Variants in ARFGEF3 observed in about 807,000 individuals in gnomAD.
ARFGEF3 encodes brefeldin A-inhibited guanine nucleotide-exchange protein 3.
ARFGEF3 carries 96 observed loss-of-function variants against 221.7 expected under a neutral mutation model. That is an observed-to-expected ratio of 0.43 (90% CI 0.37 to 0.51). ARFGEF3 has a LOEUF of 0.51. ARFGEF3 is among the 20% of genes least tolerant of loss of function. The pLI is 0.00. For synonymous variants in ARFGEF3, 1,145 were observed against 1,126.8 expected (o/e 1.02, Z -0.32); for missense variants, 2,410 against 2,789.9 (o/e 0.86, Z 3.07).
intron 11 of ARFGEF3, among the ~76,000 whole-genome samples, chr6:138,262,233 A>G (rs898327511): frequency 1.5e-5 from 2 of 134,860 alleles, no homozygotes; most frequent in South Asian, 2.3e-4. Flanking sequence ...TCTGTCACCC[A>G]GGCTGGAGTG....
Position 138,255,547 on chromosome 6 carries a change from G to C in ARFGEF3, c.882G>C (p.Ala294=), listed in dbSNP as rs749507132. 1.9e-6 allele frequency: 3 copies of C among 1,613,906 alleles called. No homozygotes were observed. In the African/African-American group the frequency reaches 4.0e-5, roughly 22 times the overall value. The change falls in exon 10 of 34, where the codon GCG becomes GCC. Residue 294 remains alanine, a synonymous_variant. Coordinates refer to ENST00000251691, the MANE Select transcript of ARFGEF3 (RefSeq NM_020340.5). ...STSTSLESDS[A]SPGVSDHGRG... The stretch of plus-strand genomic sequence containing the variant: ...GTACCAGCCTGGAGTCGGACTCTGC[G>C]TCTCCGGGAGTGTCTGACCACGGCC...
At chr6:138,229,956 T>G in intron 5 of ARFGEF3, 104 bp downstream of exon 5, 1 of 920,112 alleles carries the variant, frequency 1.1e-6, no homozygotes, top group Non-Finnish European at 1.7e-6. Flanking sequence ...TGAATCCTTC[T>G]CTGATTACTA....
At chr6:138,326,601 C>CA (rs1780130497) in intron 31 of ARFGEF3, among the ~76,000 whole-genome samples, 1 of 152,022 alleles carries the variant, frequency 6.6e-6, no homozygotes, top group Non-Finnish European at 1.5e-5. Context: ...AGTAAAAAGT[C>CA]AAAAAACAAT....
Position 138,291,974 on chromosome 6 carries a change from T to C in ARFGEF3, c.3289T>C (p.Ser1097Pro). 6.5e-7 allele frequency: 1 copy of C among 1,535,484 alleles called. No homozygotes were observed. Residue 1097 changes from serine (S) to proline (P), a missense_variant, in exon 19 of 34, where the codon TCC (serine) becomes CCC (proline). Physicochemically the swap from Ser to Pro is moderately conservative, Grantham distance 74. Around this residue, in one of 5 missense-constraint regions of ARFGEF3, gnomAD observed 184 missense variants for 141.8 expected, o/e 1.30. Transcript: ENST00000251691. This position sits in a 1 kb window ranked among gnomAD's most constrained non-coding sequence, Gnocchi z 4.5. Reference sequence around the variant, plus strand: ...CCGGGAAGGCAGCCGGGGTCGGGCCTCCGACTTCCGCGGCGGGAGCCTCAT... The same window carrying C: ...CCGGGAAGGCAGCCGGGGTCGGGCCCCCGACTTCCGCGGCGGGAGCCTCAT... ...LVREGSRGRA[S>P]DFRGGSLMSG...
chr6:138,253,077 A>G (rs1778608363), intron 8 of ARFGEF3, among the ~76,000 whole-genome samples: 2 of 152,340 alleles, frequency 1.3e-5, no homozygotes, highest in African/African-American at 4.8e-5. Context: ...GCAAGTTCAC[A>G]AAGTGTTCAC....
At chr6:138,283,053 TAA>T (rs776352306) in intron 14 of ARFGEF3, among the ~76,000 whole-genome samples, 1 of 145,884 alleles carries the variant, frequency 6.9e-6, no homozygotes, top group Non-Finnish European at 1.5e-5. Context: ...TCTGTCTTTT[TAA>T]AAAAAAAAAA....
rs1428850805 is a variant in ARFGEF3, at chr6:138,255,665, G to A, written c.1000G>A (p.Gly334Arg). 1 of 1,613,544 alleles carries A rather than the reference G, an allele frequency of 6.2e-7. No individual in the cohort carries two copies. Among genetic ancestry groups the A allele is most frequent in the Non-Finnish European group, 8.5e-7 (1 of 1,179,818 alleles). Residue 334 changes from glycine to arginine, a missense_variant, in exon 10 of 34, where the codon GGG becomes AGG. Coordinates refer to ENST00000251691, the MANE Select transcript of ARFGEF3 (RefSeq NM_020340.5). ...CGCAGCCGAGCTGGTCCGGCTGGTG[G>A]GGTCTGTGGACTCCATGAAGCCCGT... The part of the protein sequence containing the change: ...YIAAELVRLV[G>R]SVDSMKPVLQ...
rs572204065 is a variant in ARFGEF3 at position 138,321,941 on chromosome 6, C to A, written c.4766+716C>A. Among the ~76,000 whole-genome samples, 17 of 152,230 alleles carry A rather than the reference C, an allele frequency of 1.1e-4. No homozygotes were observed. The East Asian group carries it at 2.1e-3, about 19-fold the overall frequency. On this transcript the variant is annotated intron_variant, in intron 29 of 33. Transcript: ENST00000251691. ...GAGGCCTCACAATCATGGCGGAAGG[C>A]AAGGAGGAGCAAGTCACATCTTAAT...
chr6:138,245,642 A>C, intron 8 of ARFGEF3, 51 bp downstream of exon 8: 1 of 1,345,108 alleles, frequency 7.4e-7, no homozygotes, highest in Non-Finnish European at 1.0e-6. Flanking sequence ...CTACTTCTGA[A>C]ATAACCTTTG....
intron 26 of ARFGEF3, among the ~76,000 whole-genome samples, chr6:138,314,266 A>G (rs1201308244): frequency 6.6e-6 from 1 of 152,186 alleles, no homozygotes; most frequent in Non-Finnish European, 1.5e-5. Context: ...CCCACTCCCA[A>G]GATACTAACT....
At chr6:138,290,152 A>G (rs1260896778) in intron 18 of ARFGEF3, among the ~76,000 whole-genome samples, 184 bp downstream of exon 18, 4 of 152,228 alleles carry the variant, frequency 2.6e-5, no homozygotes, top group Admixed American at 6.5e-5. Flanking sequence ...TAAGGGCCCA[A>G]CTGAATGTAT....
intron 22 of ARFGEF3, among the ~76,000 whole-genome samples, chr6:138,302,581 A>G (rs1779646612): frequency 6.6e-6 from 1 of 152,226 alleles, no homozygotes; most frequent in Admixed American, 6.5e-5. Context: ...AGATATCTAC[A>G]ATAGACACGT....
Position 138,291,889 on chromosome 6 carries a change from GCAGGGGCGCTCCCTGAGCACGGCCC to G in ARFGEF3, c.3206_3230del (p.Gln1069LeufsTer29). ...GCTCGCCCCCCGAGCACAGCCCGGAGCAGGGGCGCTCCCTGAGCACGGCCCCTGTCGTCCAGCCCCTGTCCATCCA... is the reference window on the plus strand; with the variant it reads ...GCTCGCCCCCCGAGCACAGCCCGGAGCTGTCGTCCAGCCCCTGTCCATCCA... On this transcript the variant is annotated frameshift_variant, in exon 19 of 34. Transcript: ENST00000251691. LOFTEE classifies it high-confidence loss of function. The surrounding 1 kb of genome is among the most constrained non-coding windows in gnomAD (Gnocchi z 4.5). 2 of 1,497,590 alleles carry G rather than the reference GCAGGGGCGCTCCCTGAGCACGGCCC, an allele frequency of 1.3e-6. No individual in the cohort carries two copies. The highest frequency in any genetic ancestry group is 1.8e-6 in the Non-Finnish European group (2 of 1,118,728). 92.8% of individuals were successfully genotyped at this position (1,497,590 alleles called of 1,614,324 possible).
intron 2 of ARFGEF3, among the ~76,000 whole-genome samples, chr6:138,182,979 A>G (rs886232976): frequency 6.6e-6 from 1 of 152,072 alleles, no homozygotes; most frequent in Non-Finnish European, 1.5e-5. Flanking sequence ...TAACTGCCCC[A>G]TGGTGTGCTT....
At chr6:138,321,701 T>C (rs1780030590) in intron 29 of ARFGEF3, among the ~76,000 whole-genome samples, 1 of 152,214 alleles carries the variant, frequency 6.6e-6, no homozygotes, top group Non-Finnish European at 1.5e-5. Context: ...AATAGAGGTA[T>C]CATACAATCA....
intron 23 of ARFGEF3, among the ~76,000 whole-genome samples, chr6:138,308,048 A>G (rs1203501339): frequency 6.6e-6 from 1 of 152,236 alleles, no homozygotes; most frequent in South Asian, 2.1e-4. Flanking sequence ...TTCCCCCAGC[A>G]GTGAAAACAC....
At chr6:138,214,179 C>T (rs1347140401) in intron 4 of ARFGEF3, among the ~76,000 whole-genome samples, 1 of 152,090 alleles carries the variant, frequency 6.6e-6, no homozygotes, top group Non-Finnish European at 1.5e-5. Flanking sequence ...TTTGCTAATA[C>T]CATTACTGTA....
Position 138,334,943 on chromosome 6 carries a change from A to T in ARFGEF3, c.6097A>T (p.Lys2033Ter). ...SKLMTEYKKR[K>*]QQHNLSAFPK... ...GTTGATGACCGAATACAAAAAGAGGAAACAGCAGCACAACCTGTCCGCGTT... is the reference window on the plus strand; with the variant it reads ...GTTGATGACCGAATACAAAAAGAGGTAACAGCAGCACAACCTGTCCGCGTT... The change falls in exon 33 of 34, where the codon AAA (lysine) becomes TAA (stop). Residue 2033 changes from lysine (K) to a stop codon, truncating the protein, a stop_gained. Transcript: ENST00000251691. LOFTEE classifies it high-confidence loss of function. This position sits in a 1 kb window ranked among gnomAD's most constrained non-coding sequence, Gnocchi z 5.1. 1.3e-6 allele frequency: 2 copies of T among 1,588,924 alleles called. No individual in the cohort carries two copies. The highest frequency in any genetic ancestry group is 1.7e-6 in the Non-Finnish European group (2 of 1,168,232).
Position 138,278,599 on chromosome 6 carries a change from C to A in ARFGEF3, c.2277C>A (p.Thr759=), listed in dbSNP as rs779237616. Residue 759 remains threonine, a synonymous_variant, in exon 13 of 34, where the codon ACC becomes ACA. Coordinates refer to ENST00000251691, the MANE Select transcript of ARFGEF3 (RefSeq NM_020340.5). The stretch of plus-strand genomic sequence containing the variant: ...GTGACTACTACAGGAAGCGGCCGAC[C>A]CTGGCGCCAGGCGTGATGGTGAGTG... ...SHGDYYRKRP[T]LAPGVMKDFM... is the part of the protein sequence containing the mutation. 1.9e-6 allele frequency: 3 copies of A among 1,613,886 alleles called. No homozygotes were observed. The highest frequency in any genetic ancestry group is 2.5e-6 in the Non-Finnish European group (3 of 1,179,868).
Sources: allele counts gnomAD v4.1 joint callset (sites outside exome capture counted in the v4.1 genomes callset), GRCh38; gene constraint gnomAD v4.1.1; regional missense constraint gnomAD v4.1.1; non-coding constraint Gnocchi (gnomAD v3.1); transcripts MANE v1.5; gene names NCBI Gene and HGNC (gene_info 2026-07-23, HGNC 2026-07-21).